The following TOR1AIP2 variants were observed in gnomAD, a reference collection of about 807,000 sequenced individuals.
TOR1AIP2 encodes the protein torsin 1A interacting protein 2.
In TOR1AIP2, 20 loss-of-function variants were observed where a neutral mutation model predicts 32.6. That is an observed-to-expected ratio of 0.61 (90% CI 0.43 to 0.89). The LOEUF (loss-of-function observed/expected upper bound fraction) is 0.89. TOR1AIP2 is among the 40% of genes least tolerant of loss of function. The probability of loss-of-function intolerance (pLI) is 0.00; values close to 1 mark genes in which losing one functional copy is unlikely to be tolerated. For missense variants in TOR1AIP2, 456 were observed against 553.8 expected, an observed-to-expected ratio of 0.82 and a Z score of 1.77; for synonymous variants, 214 against 210.8, an observed-to-expected ratio of 1.02 and a Z score of -0.13.
intron 2 of TOR1AIP2, among the ~76,000 whole-genome samples, chr1:179,870,960 C>T (rs1571701135): frequency 6.6e-6 from 1 of 152,186 alleles, no homozygotes; most frequent in East Asian, 1.9e-4. Flanking sequence ...ATGTGCTAGG[C>T]CCAATGCCAA....
chr1:179,860,210 CG>C, intron 3 of TOR1AIP2: 2 of 985,364 alleles, frequency 2.0e-6, no homozygotes, highest in Non-Finnish European at 2.4e-6. Flanking sequence ...TCGGTGGACA[CG>C]GCGGCTCATG....
At chr1:179,865,078 A>G (rs1196359635) in intron 3 of TOR1AIP2, 1 of 1,614,048 alleles carries the variant, frequency 6.2e-7, no homozygotes, top group East Asian at 2.2e-5. Flanking sequence ...GGTAACATTC[A>G]TTTTCAACAA....
chr1:179,874,284 T>G (rs1472441384), intron 2 of TOR1AIP2: 1 of 152,212 alleles, frequency 6.6e-6, no homozygotes, highest in Non-Finnish European at 1.5e-5. Flanking sequence ...TGTGGCAGTG[T>G]GTGCCTGCAG....
chr1:179,861,763 A>G (rs1352427242), intron 3 of TOR1AIP2: 3 of 985,340 alleles, frequency 3.0e-6, no homozygotes, highest in Non-Finnish European at 3.6e-6. Flanking sequence ...TTTAAGCCAG[A>G]TAAGTAAACA....
intron 3 of TOR1AIP2, among the ~76,000 whole-genome samples, chr1:179,853,777 A>G (rs1443357134): frequency 2.0e-5 from 3 of 152,214 alleles, no homozygotes; most frequent in Non-Finnish European, 1.5e-5. Context: ...TTTAACTTAA[A>G]AGCTTATGAA....
chr1:179,856,505 TC>T lies in TOR1AIP2; in HGVS notation c.-146-3695del, dbSNP rs1321140855. On this transcript the variant is annotated intron_variant, in intron 3 of 6. Transcript: ENST00000609928. ...CACTGTTCATAGTTGAAATGGCATT[TC>T]CCTTACAGTACAAGAAGTGGGACAA... Among the ~76,000 whole-genome samples the T allele has an allele frequency of 3.3e-5, 5 of 152,342 alleles. No homozygotes were observed. The East Asian group carries it at 9.6e-4, about 29-fold the overall frequency.
At chr1:179,853,798 A>T (rs1453495102) in intron 3 of TOR1AIP2, among the ~76,000 whole-genome samples, 1 of 152,216 alleles carries the variant, frequency 6.6e-6, no homozygotes, top group Non-Finnish European at 1.5e-5. Context: ...AAAATAAATG[A>T]ATGTATAAAT....
intron 2 of TOR1AIP2, among the ~76,000 whole-genome samples, chr1:179,870,062 G>A (rs556498169): frequency 1.5e-4 from 23 of 152,184 alleles, no homozygotes; most frequent in Admixed American, 1.2e-3. Flanking sequence ...AAAAATACAG[G>A]ATAAACTTCC....
intron 3 of TOR1AIP2, chr1:179,862,818 C>T (rs1175214386): frequency 1.7e-5 from 3 of 177,760 alleles, no homozygotes; most frequent in Non-Finnish European, 3.3e-5. Flanking sequence ...ATCCCCACTA[C>T]TCAGGAGGCT....
intron 3 of TOR1AIP2, chr1:179,864,707 G>T: frequency 6.6e-7 from 1 of 1,507,166 alleles, no homozygotes; most frequent in Admixed American, 2.3e-5. Flanking sequence ...ACTTAGAAAT[G>T]AATTATTTTT....
chr1:179,864,552 C>T, intron 3 of TOR1AIP2: 1 of 1,256,418 alleles, frequency 8.0e-7, no homozygotes. Context: ...GGATTAGCCT[C>T]AGTCTAGATG....
chr1:179,856,207 G>A (rs991598838), intron 3 of TOR1AIP2, among the ~76,000 whole-genome samples: 1 of 152,130 alleles, frequency 6.6e-6, no homozygotes, highest in Non-Finnish European at 1.5e-5. Context: ...TATCTTTACT[G>A]AGGTGGTGGT....
intron 2 of TOR1AIP2, among the ~76,000 whole-genome samples, chr1:179,873,327 T>G (rs896945302): frequency 6.6e-6 from 1 of 152,222 alleles, no homozygotes; most frequent in Non-Finnish European, 1.5e-5. Flanking sequence ...GCACCTGACC[T>G]GGCCAGTTAT....
chr1:179,863,912 T>C (rs530524109), intron 3 of TOR1AIP2: 1 of 985,422 alleles, frequency 1.0e-6, no homozygotes, highest in African/African-American at 1.7e-5. Context: ...TGGCCAATGT[T>C]CAGCAGACCT....
In TOR1AIP2 at chr1:179,843,309, C is replaced by T. The variant is rs374524161; in HGVS notation, c.*2762G>A. 9 of 151,718 alleles carry T rather than the reference C, an allele frequency of 5.9e-5. No individual in the cohort carries two copies. The highest frequency in any genetic ancestry group is 1.9e-4 in the East Asian group (1 of 5,162). The allele number at this position is 151,718 out of a possible 1,614,324, so 9.4% of individuals were successfully genotyped here. ...TCAATTGAGGCCAGGAGTTCGAGAC[C>T]AACCTGGACAACATAGCAAAACCTC... On this transcript the variant is annotated 3_prime_UTR_variant, in exon 7 of 7. Coordinates refer to ENST00000609928, the MANE Select transcript of TOR1AIP2 (RefSeq NM_001199260.2).
rs550554279 is a variant in TOR1AIP2, at chr1:179,872,233, T to C, written c.-566+5006A>G. ...AACAACTGGTTTGGAAACCTACTGG[T>C]ACATTTCTATCTATGTTGCTCTAAT... On this transcript the variant is annotated intron_variant, in intron 2 of 6. Transcript: ENST00000609928. 2.0e-5 allele frequency among the ~76,000 whole-genome samples: 3 copies of C among 152,334 alleles called. No homozygotes were observed. The East Asian group carries it at 5.8e-4, about 29-fold the overall frequency.
intron 3 of TOR1AIP2, chr1:179,860,270 G>T: frequency 1.1e-6 from 1 of 909,462 alleles, no homozygotes; most frequent in Non-Finnish European, 1.3e-6. Flanking sequence ...ATCGCTTGAG[G>T]CCAGGAGCTC....
chr1:179,862,549 C>A, intron 3 of TOR1AIP2: 6 of 985,434 alleles, frequency 6.1e-6, no homozygotes, highest in Non-Finnish European at 7.2e-6. Context: ...TTCATACAGA[C>A]TAACAAATAA....
intron 3 of TOR1AIP2, among the ~76,000 whole-genome samples, chr1:179,857,803 T>C (rs996331041): frequency 2.6e-5 from 4 of 152,156 alleles, no homozygotes; most frequent in Admixed American, 2.6e-4. Context: ...AGTAGTAACA[T>C]ATAAAGCATA....
Sources: allele counts gnomAD v4.1 joint callset (sites outside exome capture counted in the v4.1 genomes callset), GRCh38; gene constraint gnomAD v4.1.1; transcripts MANE v1.5; gene names NCBI Gene and HGNC (gene_info 2026-07-23, HGNC 2026-07-21).